Variants in MCPH1 observed in about 807,000 individuals in gnomAD.
MCPH1 encodes the protein microcephalin 1, also known as microcephalin.
Under a neutral mutation model 84.5 loss-of-function variants are expected in MCPH1, and 104 were observed. The observed-to-expected ratio is 1.23, with a 90% CI of 1.05 to 1.45. The LOEUF is 1.45. Ranked by LOEUF, MCPH1 falls within the 40% of genes most tolerant of loss-of-function variation. The pLI is 0.00. For synonymous variants in MCPH1, 514 were observed against 366.8 expected (o/e 1.40, Z -4.58); for missense variants, 1,498 against 1,005.7 (o/e 1.49, Z -6.62).
chr8:6,496,384 G>A (rs562851119), intron 11 of MCPH1, among the ~76,000 whole-genome samples: 3 of 152,268 alleles, frequency 2.0e-5, no homozygotes, highest in African/African-American at 7.2e-5. Flanking sequence ...TTCCTTCACT[G>A]GTTCACCCAC....
At chr8:6,425,752 C>T (rs2979646) in intron 3 of MCPH1, among the ~76,000 whole-genome samples, 6 of 152,170 alleles carry the variant, frequency 3.9e-5, no homozygotes, top group African/African-American at 1.2e-4. Flanking sequence ...CTTCTCTGCT[C>T]CTCGGTTTTC....
chr8:6,435,167 G>T (rs1802464334), intron 4 of MCPH1, among the ~76,000 whole-genome samples: 1 of 152,128 alleles, frequency 6.6e-6, no homozygotes, highest in African/African-American at 2.4e-5. Flanking sequence ...AATGACGGTA[G>T]GGCAAGCATA....
At chr8:6,508,029 C>T (rs538022019) in intron 12 of MCPH1, 4 of 152,196 alleles carry the variant, frequency 2.6e-5, no homozygotes, top group African/African-American at 7.2e-5. Context: ...CAGTGTAATA[C>T]CAAACCTACA....
chr8:6,537,363 C>T (rs533536735), intron 12 of MCPH1, among the ~76,000 whole-genome samples: 1 of 152,058 alleles, frequency 6.6e-6, no homozygotes, highest in South Asian at 2.1e-4. Flanking sequence ...GCTGTTCTTC[C>T]TTTCTCAGAA....
chr8:6,573,755 C>G (rs1430782573), intron 12 of MCPH1, among the ~76,000 whole-genome samples: 2 of 152,196 alleles, frequency 1.3e-5, no homozygotes, highest in Admixed American at 6.5e-5. Flanking sequence ...CCTGCCCACC[C>G]CACTCTCCAG....
At chr8:6,431,423 C>T (rs1389863300) in intron 3 of MCPH1, 76 bp from the exon 4 acceptor site, 1 of 1,068,320 alleles carries the variant, frequency 9.4e-7, no homozygotes, top group Non-Finnish European at 1.4e-6. Context: ...ATTGCTAATA[C>T]ATGTGCAGAT....
chr8:6,481,470 T>A (rs1317769151), intron 11 of MCPH1, among the ~76,000 whole-genome samples: 1 of 152,244 alleles, frequency 6.6e-6, no homozygotes, highest in East Asian at 1.9e-4. Flanking sequence ...ACTTTCATCC[T>A]CAACCTAAGG....
At chr8:6,408,656 T>C (rs1354861030) in intron 1 of MCPH1, among the ~76,000 whole-genome samples, 1 of 151,690 alleles carries the variant, frequency 6.6e-6, no homozygotes, top group African/African-American at 2.4e-5. Flanking sequence ...CCTCAGCTTC[T>C]CCACCCTACC....
At chr8:6,495,104 T>C (rs1434827825) in intron 11 of MCPH1, among the ~76,000 whole-genome samples, 2 of 151,978 alleles carry the variant, frequency 1.3e-5, no homozygotes, top group Non-Finnish European at 2.9e-5. Flanking sequence ...TTCAAGCTGG[T>C]CTCTTTGGAA....
At chr8:6,476,400 G>A (rs1441674978) in intron 9 of MCPH1, among the ~76,000 whole-genome samples, 2 of 145,734 alleles carry the variant, frequency 1.4e-5, no homozygotes, top group South Asian at 2.2e-4. Flanking sequence ...TTGCACTCCA[G>A]TCTGGGCAAC....
At chr8:6,621,143 G>C (rs1831370562) in intron 12 of MCPH1, 1 of 410,118 alleles carries the variant, frequency 2.4e-6, no homozygotes, top group East Asian at 5.7e-5. Context: ...CCTAGCTATG[G>C]CTCTGCTGTG....
intron 12 of MCPH1, among the ~76,000 whole-genome samples, chr8:6,538,253 G>C (rs1432077846): frequency 2.0e-5 from 3 of 152,046 alleles, no homozygotes; most frequent in Non-Finnish European, 4.4e-5. Context: ...TTAGAAATAA[G>C]ATATTGCAAC....
intron 12 of MCPH1, among the ~76,000 whole-genome samples, chr8:6,593,913 CAGA>C (rs1828714783): frequency 2.6e-5 from 4 of 152,246 alleles, no homozygotes; most frequent in Non-Finnish European, 4.4e-5. Flanking sequence ...TCCCTCCCAT[CAGA>C]AGGACCCCCG....
intron 2 of MCPH1, among the ~76,000 whole-genome samples, 190 bp downstream of exon 2, chr8:6,409,560 G>T (rs1411529555): frequency 6.6e-6 from 1 of 152,148 alleles, no homozygotes; most frequent in East Asian, 1.9e-4. Flanking sequence ...ATGCCTGTGG[G>T]CATTGAGTGA....
intron 13 of MCPH1, among the ~76,000 whole-genome samples, chr8:6,637,261 TCTG>T (rs1349107709): frequency 6.6e-6 from 1 of 152,174 alleles, no homozygotes; most frequent in Non-Finnish European, 1.5e-5. Context: ...TAAAAATCCT[TCTG>T]GTGGTAAATG....
chr8:6,421,010 C>G (rs924726253), intron 3 of MCPH1, among the ~76,000 whole-genome samples: 5 of 152,162 alleles, frequency 3.3e-5, no homozygotes, highest in South Asian at 2.1e-4. Flanking sequence ...GATGTTTAAC[C>G]TTGATCCTGG....
intron 12 of MCPH1, among the ~76,000 whole-genome samples, chr8:6,604,028 A>G (rs1829566805): frequency 6.7e-6 from 1 of 149,848 alleles, no homozygotes; most frequent in African/African-American, 2.5e-5. Context: ...CCTGTCTGTG[A>G]CATATGTCTC....
At chr8:6,435,388 A>T (rs1426785311) in intron 4 of MCPH1, among the ~76,000 whole-genome samples, 2 of 152,130 alleles carry the variant, frequency 1.3e-5, no homozygotes, top group African/African-American at 4.8e-5. Context: ...GAAACTCTCA[A>T]ATCCGCCTCC....
At chr8:6,642,872 T>G in intron 13 of MCPH1, 122 bp from the exon 14 acceptor site, 1 of 891,302 alleles carries the variant, frequency 1.1e-6, no homozygotes. Context: ...GGGGGGCCTA[T>G]GGACAACACA....
Sources: gnomAD v4.1 joint callset for allele counts (sites outside exome capture counted in the v4.1 genomes callset) on GRCh38, gnomAD v4.1.1 for gene constraint, MANE v1.5 for transcripts, NCBI Gene and HGNC (gene_info 2026-07-23, HGNC 2026-07-21) for gene names.